Variants in ELMOD1 observed in about 807,000 individuals in gnomAD.
ELMOD1 encodes ELMO domain-containing protein 1.
In ELMOD1, 21 loss-of-function variants were observed where a neutral mutation model predicts 46.7. The ratio of observed to expected loss-of-function variants is 0.45; its 90% CI spans 0.32 to 0.65. The LOEUF (loss-of-function observed/expected upper bound fraction) is 0.65. Ranked by LOEUF, ELMOD1 falls within the 30% of genes least tolerant of loss-of-function variation. The pLI, the probability that ELMOD1 is intolerant of heterozygous loss-of-function variation, is 0.04. For missense variants in ELMOD1, 348 were observed against 407.8 expected (o/e 0.85, Z 1.26); for synonymous variants, 122 against 138.2 (o/e 0.88, Z 0.82).
chr11:107,607,430 C>T (rs551301309), intron 1 of ELMOD1, among the ~76,000 whole-genome samples: 161 of 152,132 alleles, frequency 1.1e-3, no homozygotes, highest in Middle Eastern at 3.4e-3. Flanking sequence ...CTGAGGCAGG[C>T]GGATCACTTT....
Position 107,647,458 on chromosome 11 carries a change from T to C in ELMOD1, c.421-10T>C, listed in dbSNP as rs768846562. 5.0e-6 allele frequency: 8 copies of C among 1,605,400 alleles called. No homozygotes were observed. The African/African-American group carries it at 9.4e-5, about 19-fold the overall frequency. The stretch of plus-strand genomic sequence containing the variant: ...TATCAACAGAGTAATCCTTTTTTTT[T>C]TTCCTACAGTTATGGAAATTCTTGA... On this transcript the variant is annotated splice_polypyrimidine_tract_variant and intron_variant, in intron 6 of 11. Coordinates refer to ENST00000265840, the MANE Select transcript of ELMOD1 (RefSeq NM_018712.4).
chr11:107,635,528 A>C (rs1342901103), intron 5 of ELMOD1, 108 bp from the exon 6 acceptor site: 1 of 1,102,248 alleles, frequency 9.1e-7, no homozygotes, highest in Non-Finnish European at 1.3e-6. Flanking sequence ...AATTTCCTGA[A>C]TATTATATTA....
intron 5 of ELMOD1, among the ~76,000 whole-genome samples, chr11:107,633,118 A>T (rs1053174847): frequency 3.3e-5 from 5 of 152,208 alleles, no homozygotes; most frequent in Non-Finnish European, 5.9e-5. Flanking sequence ...GTATCTCATT[A>T]TGTATATGCA....
At chr11:107,607,346 T>G (rs1449128645) in intron 1 of ELMOD1, among the ~76,000 whole-genome samples, 1 of 152,166 alleles carries the variant, frequency 6.6e-6, no homozygotes, top group East Asian at 1.9e-4. Flanking sequence ...AGCTTTAAAG[T>G]GACACAATAT....
chr11:107,648,102 C>T (rs1531752), intron 7 of ELMOD1, among the ~76,000 whole-genome samples: 104,056 of 152,036 alleles, frequency 0.68, 35,851 homozygotes, highest in Non-Finnish European at 0.73. Context: ...GATTCCTTGG[C>T]GTCATCTTTA....
intron 9 of ELMOD1, chr11:107,653,522 C>A (rs910544791): frequency 6.6e-6 from 1 of 151,816 alleles, no homozygotes; most frequent in African/African-American, 2.4e-5. Context: ...GTTTTTAAAA[C>A]CTGTAAATGC....
Position 107,591,967 on chromosome 11 carries a change from G to T in ELMOD1, c.-86+558G>T, listed in dbSNP as rs376267176. ...CCTCCTCCAACTGCTGGGAAACTCC[G>T]CACTTCAATATTGGAGCATCTCTTT... On this transcript the variant is annotated intron_variant, in intron 1 of 11. Transcript: ENST00000265840. The T allele has an allele frequency of 6.7e-5, 35 of 523,720 alleles. No homozygotes were observed. The East Asian group carries it at 7.8e-4, about 12-fold the overall frequency. 32.4% of individuals were successfully genotyped at this position (523,720 alleles called of 1,614,324 possible). A position where few individuals can be genotyped will look rare whatever the true frequency, so the allele number is the denominator to read the frequency against.
intron 6 of ELMOD1, among the ~76,000 whole-genome samples, 172 bp from the exon 7 acceptor site, chr11:107,647,296 A>G (rs575265991): frequency 2.9e-4 from 44 of 152,038 alleles, no homozygotes; most frequent in Admixed American, 1.8e-3. Flanking sequence ...TTGAAAGATG[A>G]TCACATCTTT....
At chr11:107,625,511 A>G (rs1198238861) in intron 2 of ELMOD1, 1 of 985,294 alleles carries the variant, frequency 1.0e-6, no homozygotes, top group African/African-American at 1.7e-5. Flanking sequence ...ATTTAGGATG[A>G]TGGCATAGTG....
rs979294293 is a variant in ELMOD1, at chr11:107,626,565, C to T, written c.18-3852C>T. On this transcript the variant is annotated intron_variant, in intron 2 of 11. Coordinates refer to ENST00000265840, the MANE Select transcript of ELMOD1 (RefSeq NM_018712.4). ...TCCCTTCCCTCCTGTCCCCCACTTCCCCTTCCCCTTCCCTTCCTTCCTTCT... is the reference window on the plus strand; with the variant it reads ...TCCCTTCCCTCCTGTCCCCCACTTCTCCTTCCCCTTCCCTTCCTTCCTTCT... Among the ~76,000 whole-genome samples, 3 of 148,284 alleles carry T rather than the reference C, an allele frequency of 2.0e-5. 1 individual carries two copies. The highest frequency in any genetic ancestry group is 1.3e-4 in the Admixed American group (2 of 14,820).
chr11:107,600,962 A>G (rs1352417743), intron 1 of ELMOD1: 2 of 152,068 alleles, frequency 1.3e-5, no homozygotes, highest in African/African-American at 4.8e-5. Context: ...CATGTGGGCT[A>G]AAATCACAGC....
chr11:107,630,586 G>A, intron 3 of ELMOD1, 24 bp downstream of exon 3: 1 of 1,607,504 alleles, frequency 6.2e-7, no homozygotes, highest in Non-Finnish European at 8.5e-7. Context: ...AAAGAAGTAA[G>A]CAAAAGGTAG....
chr11:107,610,380 A>G (rs937714861), intron 1 of ELMOD1, among the ~76,000 whole-genome samples: 5 of 152,160 alleles, frequency 3.3e-5, no homozygotes, highest in Admixed American at 6.5e-5. Context: ...TAAAACGTCA[A>G]TATCTGGGCC....
intron 1 of ELMOD1, among the ~76,000 whole-genome samples, chr11:107,604,653 A>G (rs541841531): frequency 7.9e-5 from 12 of 152,344 alleles, no homozygotes; most frequent in Admixed American, 6.5e-5. Context: ...GATGGCACTG[A>G]TGAAATACCA....
intron 2 of ELMOD1, chr11:107,623,931 T>C (rs1865998369): frequency 6.6e-6 from 1 of 152,228 alleles, no homozygotes; most frequent in South Asian, 2.1e-4. Context: ...AATTGTCATT[T>C]TTCATTTCCC....
chr11:107,635,842 T>C, intron 6 of ELMOD1, 77 bp downstream of exon 6: 9 of 1,431,650 alleles, frequency 6.3e-6, no homozygotes, highest in Non-Finnish European at 7.5e-6. Flanking sequence ...TGCTAGGCGC[T>C]GCTCTGGACA....
intron 1 of ELMOD1, among the ~76,000 whole-genome samples, chr11:107,614,398 G>A (rs1865826848): frequency 6.6e-6 from 1 of 152,160 alleles, no homozygotes. Context: ...GAGTGCAATG[G>A]TGCAATCTTG....
chr11:107,591,843 C>G (rs1408423051), intron 1 of ELMOD1: 1 of 475,814 alleles, frequency 2.1e-6, no homozygotes, highest in Admixed American at 2.3e-5. Flanking sequence ...GCTTCGGTCT[C>G]CAGGGAGGAG....
At chr11:107,625,445 G>C in intron 2 of ELMOD1, 1 of 985,254 alleles carries the variant, frequency 1.0e-6, no homozygotes, top group African/African-American at 1.7e-5. Context: ...CATTGAAACT[G>C]TTCAAAATAA....
Sources: gnomAD v4.1 joint callset for allele counts (sites outside exome capture counted in the v4.1 genomes callset) on GRCh38, gnomAD v4.1.1 for gene constraint, MANE v1.5 for transcripts, NCBI Gene and HGNC (gene_info 2026-07-23, HGNC 2026-07-21) for gene names.